RAPGEF5: variants seen among roughly 807,000 people sequenced by gnomAD.
The protein encoded by RAPGEF5 is Rap guanine nucleotide exchange factor 5.
Under a neutral mutation model 125.2 loss-of-function variants are expected in RAPGEF5, and 65 were observed. The observed-to-expected ratio is 0.52, with a 90% confidence interval of 0.43 to 0.64. The LOEUF (loss-of-function observed/expected upper bound fraction) is 0.64, where lower values mean the gene tolerates loss of function less well. RAPGEF5 is among the 30% of genes least tolerant of loss of function. The pLI, the probability that RAPGEF5 is intolerant of heterozygous loss-of-function variation, is 0.00. For missense variants in RAPGEF5, 958 were observed against 1,048.1 expected, an observed-to-expected ratio of 0.91 and a Z score of 1.19; for synonymous variants, 391 against 385.9, an observed-to-expected ratio of 1.01 and a Z score of -0.16.
chr7:22,291,243 T>TAAA lies in RAPGEF5; in HGVS notation c.681-5_681-3dup. The TAAA allele has an allele frequency of 6.4e-6, 9 of 1,400,342 alleles. No individual in the cohort carries two copies. The highest frequency in any genetic ancestry group is 2.8e-5 in the Admixed American group (1 of 35,986). The allele number at this position is 1,400,342 out of a possible 1,614,324, so 86.7% of individuals were successfully genotyped here. A position where few individuals can be genotyped will look rare whatever the true frequency, so the allele number is the denominator to read the frequency against. On this transcript the variant is annotated splice_polypyrimidine_tract_variant and splice_region_variant and intron_variant, in intron 5 of 25. Coordinates refer to ENST00000665637, the MANE Select transcript of RAPGEF5 (RefSeq NM_012294.5). ...GAGTCTTCAATTTTCTGATGAGACC[T>TAAA]AAAAAAAAAAAAAAGAACAAATTAC...
chr7:22,220,489 A>C (rs1785758844), intron 8 of RAPGEF5, among the ~76,000 whole-genome samples: 1 of 152,234 alleles, frequency 6.6e-6, no homozygotes, highest in Admixed American at 6.5e-5. Context: ...ATCACAAGAT[A>C]ATTTTTTTCA....
chr7:22,187,972 T>G (rs1295634772), intron 11 of RAPGEF5, among the ~76,000 whole-genome samples: 4 of 152,214 alleles, frequency 2.6e-5, no homozygotes, highest in African/African-American at 9.7e-5. Flanking sequence ...CATTGCTGTT[T>G]TGTTAAAAGC....
intron 12 of RAPGEF5, among the ~76,000 whole-genome samples, chr7:22,166,849 G>A (rs4590334): frequency 0.98 from 148,577 of 152,352 alleles, 72,454 homozygotes; most frequent in East Asian, 0.99. Flanking sequence ...TATAAACAGT[G>A]TAATATAGCC....
intron 1 of RAPGEF5, among the ~76,000 whole-genome samples, chr7:22,322,437 G>T (rs115703807): frequency 6.6e-6 from 1 of 151,818 alleles, no homozygotes; most frequent in African/African-American, 2.4e-5. Context: ...GTGAGCTACC[G>T]CACCCAGCCT....
intron 6 of RAPGEF5, among the ~76,000 whole-genome samples, chr7:22,281,360 C>T (rs533492869): frequency 6.6e-6 from 1 of 152,100 alleles, no homozygotes; most frequent in East Asian, 1.9e-4. Flanking sequence ...CACAGGTGCA[C>T]GCCACCTCAT....
intron 20 of RAPGEF5, among the ~76,000 whole-genome samples, chr7:22,142,584 A>G (rs953980300): frequency 5.9e-5 from 9 of 152,250 alleles, no homozygotes; most frequent in Non-Finnish European, 1.3e-4. Context: ...GAATTAATAC[A>G]GACACACTTT....
intron 25 of RAPGEF5, chr7:22,125,355 A>T: frequency 2.5e-6 from 1 of 395,836 alleles, no homozygotes; most frequent in Non-Finnish European, 4.7e-6. Flanking sequence ...TGAGTGTGTA[A>T]AGTCACTCTT....
At chr7:22,167,013 G>A (rs565166135) in intron 12 of RAPGEF5, 57 bp downstream of exon 12, 43 of 1,405,104 alleles carry the variant, frequency 3.1e-5, no homozygotes, top group African/African-American at 7.1e-5. Context: ...AATTCCTAAC[G>A]TGGGACATCT....
chr7:22,133,824 T>TA (rs1034142772), intron 23 of RAPGEF5, among the ~76,000 whole-genome samples: 5 of 152,124 alleles, frequency 3.3e-5, no homozygotes, highest in Non-Finnish European at 7.4e-5. Flanking sequence ...CACACCACAG[T>TA]AAGGGGAAAG....
chr7:22,156,030 T>C (rs998038655), intron 16 of RAPGEF5, among the ~76,000 whole-genome samples: 10 of 152,348 alleles, frequency 6.6e-5, no homozygotes, highest in Non-Finnish European at 1.5e-4. Flanking sequence ...AACAGAACCA[T>C]GTATCAGCAG....
intron 6 of RAPGEF5, among the ~76,000 whole-genome samples, chr7:22,269,834 C>A (rs529132896): frequency 1.2e-4 from 18 of 152,276 alleles, no homozygotes; most frequent in Admixed American, 1.0e-3. Context: ...CTGACCACAA[C>A]CTCCTGAGAC....
At chr7:22,123,794 G>A (rs1346073258) in intron 25 of RAPGEF5, among the ~76,000 whole-genome samples, 1 of 152,212 alleles carries the variant, frequency 6.6e-6, no homozygotes, top group Non-Finnish European at 1.5e-5. Context: ...CATTGGTTTG[G>A]ATAACACGAT....
intron 5 of RAPGEF5, among the ~76,000 whole-genome samples, chr7:22,296,495 A>G (rs1221003517): frequency 6.6e-6 from 1 of 152,200 alleles, no homozygotes; most frequent in African/African-American, 2.4e-5. Flanking sequence ...TAACTTCAGC[A>G]GGACCAAAAG....
At chr7:22,353,458 T>C (rs966003151) in intron 1 of RAPGEF5, among the ~76,000 whole-genome samples, 3 of 152,228 alleles carry the variant, frequency 2.0e-5, no homozygotes, top group Non-Finnish European at 4.4e-5. Flanking sequence ...CTGAAAAATT[T>C]GTGAGTAAGA....
At chr7:22,296,856 C>G (rs1783074105) in intron 5 of RAPGEF5, among the ~76,000 whole-genome samples, 1 of 152,088 alleles carries the variant, frequency 6.6e-6, no homozygotes, top group Non-Finnish European at 1.5e-5. Context: ...TCCCAGGGGC[C>G]AAGTGGAAAA....
At chr7:22,333,975 CTGCGCCGTTG>C (rs1783977234) in intron 1 of RAPGEF5, among the ~76,000 whole-genome samples, 1 of 148,518 alleles carries the variant, frequency 6.7e-6, no homozygotes, top group African/African-American at 2.5e-5. Flanking sequence ...GGAGAGTCGG[CTGCGCCGTTG>C]TGCATGGGAG....
At chr7:22,322,134 T>G (rs1412963382) in intron 1 of RAPGEF5, among the ~76,000 whole-genome samples, 2 of 151,332 alleles carry the variant, frequency 1.3e-5, no homozygotes, top group African/African-American at 4.9e-5. Flanking sequence ...TTTTTCTTTT[T>G]CTTTTTCTTT....
chr7:22,151,259 TC>T (rs1204522633), intron 17 of RAPGEF5, among the ~76,000 whole-genome samples: 1 of 152,186 alleles, frequency 6.6e-6, no homozygotes, highest in Non-Finnish European at 1.5e-5. Context: ...TATGTTTAAA[TC>T]TTTGTCTGCT....
At chr7:22,263,551 G>A (rs1330515973) in intron 7 of RAPGEF5, among the ~76,000 whole-genome samples, 6 of 151,974 alleles carry the variant, frequency 3.9e-5, no homozygotes, top group African/African-American at 1.5e-4. Context: ...CCAACATGGC[G>A]AAACACTGTC....
Sources: allele counts gnomAD v4.1 joint callset (sites outside exome capture counted in the v4.1 genomes callset), GRCh38; gene constraint gnomAD v4.1.1; transcripts MANE v1.5; gene names NCBI Gene and HGNC (gene_info 2026-07-23, HGNC 2026-07-21).